Variants in SYNJ1 observed in about 807,000 individuals in gnomAD.
SYNJ1 encodes synaptojanin 1, also known as polyphosphatidylinositol phosphatase SYNJ1.
In SYNJ1, 78 loss-of-function variants were observed where a neutral mutation model predicts 168.2. The ratio of observed to expected loss-of-function variants is 0.46; its 90% confidence interval spans 0.39 to 0.56. The LOEUF is 0.56. Among genes scored for constraint, SYNJ1 ranks in the 20% least tolerant of loss-of-function variants. The pLI is 0.00. For missense variants in SYNJ1, 1,303 were observed against 1,597.6 expected (o/e 0.82, Z 3.14); for synonymous variants, 539 against 548.6 (o/e 0.98, Z 0.24).
intron 31 of SYNJ1, among the ~76,000 whole-genome samples, chr21:32,636,619 TTTA>T (rs1480927335): frequency 1.3e-5 from 2 of 152,124 alleles, no homozygotes; most frequent in South Asian, 4.2e-4. Context: ...TAAAATTTTT[TTTA>T]TTATTTTTAA....
intron 26 of SYNJ1, 148 bp from the exon 27 acceptor site, chr21:32,643,605 A>C: frequency 1.3e-6 from 1 of 779,234 alleles, no homozygotes; most frequent in Non-Finnish European, 2.1e-6. Flanking sequence ...TATCAATACA[A>C]ACCAAAGTGA....
Position 32,685,726 on chromosome 21 carries a change from C to G in SYNJ1, c.1118+22G>C. On this transcript the variant is annotated intron_variant, in intron 9 of 32. Coordinates refer to ENST00000674351, the MANE Select transcript of SYNJ1 (RefSeq NM_203446.3). The stretch of plus-strand genomic sequence containing the variant: ...TTAATTAATGTTCCAATTCAAAGAA[C>G]AGAGAAACAGAACAGTCAAACCTTT... 2.6e-6 allele frequency: 4 copies of G among 1,515,074 alleles called. No homozygotes were observed. The Admixed American group carries it at 9.0e-5, about 34-fold the overall frequency. The allele number at this position is 1,515,074 out of a possible 1,614,324, so 93.9% of individuals were successfully genotyped here. A position where few individuals can be genotyped will look rare whatever the true frequency, so the allele number is the denominator to read the frequency against.
At chr21:32,681,055 C>T (rs377215449) in intron 11 of SYNJ1, among the ~76,000 whole-genome samples, 15 of 152,186 alleles carry the variant, frequency 9.9e-5, no homozygotes, top group African/African-American at 2.7e-4. Context: ...AAGTGGCATA[C>T]GTCACACATC....
chr21:32,685,950 G>A, intron 8 of SYNJ1, 33 bp from the exon 9 acceptor site: 1 of 1,585,110 alleles, frequency 6.3e-7, no homozygotes, highest in African/African-American at 1.4e-5. Flanking sequence ...TCATCTAAAT[G>A]AAAGTAAAAA....
At chr21:32,693,091 T>C (rs955798245) in intron 6 of SYNJ1, among the ~76,000 whole-genome samples, 3 of 151,740 alleles carry the variant, frequency 2.0e-5, no homozygotes, top group African/African-American at 7.3e-5. Context: ...TAAAATAACA[T>C]AAAAACAGTG....
intron 22 of SYNJ1, among the ~76,000 whole-genome samples, chr21:32,651,045 G>A (rs552014907): frequency 1.3e-5 from 2 of 152,254 alleles, no homozygotes; most frequent in African/African-American, 4.8e-5. Flanking sequence ...ATAGCAGATC[G>A]TGTCAATGTA....
In SYNJ1 at chr21:32,666,555, G is replaced by C. The variant is rs115658799; in HGVS notation, c.1830C>G (p.Leu610=). The change falls in exon 16 of 33, where the codon CTC becomes CTG. Residue 610 remains leucine, a synonymous_variant. Coordinates refer to ENST00000674351, the MANE Select transcript of SYNJ1 (RefSeq NM_203446.3). ...IVSASTTNQK[L]WAVELQKTIS... ...TTGTCTTCTGAAGTTCTACAGCCCA[G>C]AGCTTCTGATTTGTTGTGCTACAAG... The C allele has an allele frequency of 4.2e-5, 68 of 1,612,384 alleles. No individual in the cohort carries two copies. In the African/African-American group the frequency reaches 8.4e-4, roughly 20 times the overall value.
intron 13 of SYNJ1, among the ~76,000 whole-genome samples, chr21:32,674,219 T>G (rs187151886): frequency 2.6e-5 from 4 of 152,284 alleles, no homozygotes; most frequent in African/African-American, 9.6e-5. Flanking sequence ...TCCTGCTGTT[T>G]CAAAAACATA....
rs770812915 is a variant in SYNJ1 at position 32,631,102 on chromosome 21, G to C, written c.*703C>G. ...GGGAGCAGAGGGACAGGAGGTGGAG[G>C]AGGTCTTCTTGACGGCAACACACAG... On this transcript the variant is annotated 3_prime_UTR_variant, in exon 33 of 33. Transcript: ENST00000674351. The C allele has an allele frequency of 1.2e-6, 2 of 1,614,096 alleles. No individual in the cohort carries two copies. The highest frequency in any genetic ancestry group is 1.7e-6 in the Non-Finnish European group (2 of 1,180,054).
intron 32 of SYNJ1, among the ~76,000 whole-genome samples, chr21:32,632,744 G>A (rs1193803184): frequency 6.6e-6 from 1 of 152,158 alleles, no homozygotes. Flanking sequence ...GTGAGGCTGG[G>A]CGCGGTGGCT....
chr21:32,715,538 T>C (rs969138569), intron 2 of SYNJ1, among the ~76,000 whole-genome samples: 3 of 152,066 alleles, frequency 2.0e-5, no homozygotes, highest in Non-Finnish European at 4.4e-5. Context: ...GTCCACAGGA[T>C]ATTAAATGAT....
At chr21:32,647,371 T>C (rs1404796530) in intron 23 of SYNJ1, among the ~76,000 whole-genome samples, 1 of 152,248 alleles carries the variant, frequency 6.6e-6, no homozygotes, top group Non-Finnish European at 1.5e-5. Context: ...ACCATCTTTC[T>C]GCGTGGCATC....
intron 12 of SYNJ1, among the ~76,000 whole-genome samples, chr21:32,678,304 ATAAT>A (rs1569081328): frequency 1.3e-5 from 2 of 152,216 alleles, no homozygotes; most frequent in South Asian, 2.1e-4. Context: ...ATTTTTCTGC[ATAAT>A]TAGATTATTA....
chr21:32,652,140 T>C (rs1301472846), intron 22 of SYNJ1, among the ~76,000 whole-genome samples: 3 of 152,216 alleles, frequency 2.0e-5, no homozygotes, highest in Non-Finnish European at 2.9e-5. Flanking sequence ...TATACTAGTA[T>C]TACATTTAGG....
At chr21:32,664,140 T>C (rs2040827421) in intron 18 of SYNJ1, among the ~76,000 whole-genome samples, 1 of 152,236 alleles carries the variant, frequency 6.6e-6, no homozygotes, top group Non-Finnish European at 1.5e-5. Flanking sequence ...TTGCTACTTG[T>C]ACTTCTTCAA....
At chr21:32,662,532 G>A (rs2040755152) in intron 18 of SYNJ1, among the ~76,000 whole-genome samples, 1 of 152,102 alleles carries the variant, frequency 6.6e-6, no homozygotes, top group Admixed American at 6.5e-5. Flanking sequence ...GTAAGATTAA[G>A]GACTGAAGAC....
intron 32 of SYNJ1, among the ~76,000 whole-genome samples, chr21:32,634,235 C>A (rs2039465069): frequency 6.6e-6 from 1 of 152,038 alleles, no homozygotes; most frequent in Non-Finnish European, 1.5e-5. Flanking sequence ...TCATTTTTCC[C>A]AGACTTGAAA....
chr21:32,669,339 C>T (rs773385336), intron 15 of SYNJ1, among the ~76,000 whole-genome samples: 29 of 152,170 alleles, frequency 1.9e-4, no homozygotes, highest in Middle Eastern at 3.4e-3. Context: ...GAAAAACTTG[C>T]GTTTTCAGGC....
chr21:32,639,516 C>T (rs1039981418), intron 30 of SYNJ1, among the ~76,000 whole-genome samples, 155 bp downstream of exon 30: 14 of 152,118 alleles, frequency 9.2e-5, no homozygotes, highest in Admixed American at 3.3e-4. Context: ...CTTAGCCGCC[C>T]GAGTAGCTGG....
Sources: gnomAD v4.1 joint callset for allele counts (sites outside exome capture counted in the v4.1 genomes callset) on GRCh38, gnomAD v4.1.1 for gene constraint, MANE v1.5 for transcripts, NCBI Gene and HGNC (gene_info 2026-07-23, HGNC 2026-07-21) for gene names.